TBC1D22A: variants seen among roughly 807,000 people sequenced by gnomAD.
TBC1D22A encodes TBC1 domain family member 22A.
In TBC1D22A, 38 loss-of-function variants were observed where a neutral mutation model predicts 60.2. The ratio of observed to expected loss-of-function variants is 0.63; its 90% CI spans 0.49 to 0.83. TBC1D22A has a LOEUF of 0.83. Among genes scored for constraint, TBC1D22A ranks in the 40% least tolerant of loss-of-function variants. The pLI, the probability that TBC1D22A is intolerant of heterozygous loss-of-function variation, is 0.00. For synonymous variants in TBC1D22A, 302 were observed against 281.7 expected (o/e 1.07, Z -0.72); for missense variants, 628 against 701.0 (o/e 0.90, Z 1.18).
Position 46,793,737 on chromosome 22 carries a change from G to A in TBC1D22A, c.356G>A (p.Gly119Glu). 6.2e-7 allele frequency: 1 copy of A among 1,606,722 alleles called. No homozygotes were observed. The highest frequency in any genetic ancestry group is 8.5e-7 in the Non-Finnish European group (1 of 1,178,012). The change falls in exon 3 of 13, where the codon GGG (glycine) becomes GAG (glutamate). Residue 119 changes from glycine (G) to glutamate (E), a missense_variant. Physicochemically the swap from Gly to Glu is moderately conservative, Grantham distance 98. Transcript: ENST00000337137. ...CGGCCCACGCTGCAGGAGGGGCCAG[G>A]GCTTCAGCAGAAGCCCAGGCCCGAG... Reference protein sequence around the residue: ...QGRPTLQEGPGLQQKPRPEAE... With the variant: ...QGRPTLQEGPELQQKPRPEAE...
At chr22:46,956,906 C>T (rs561712713) in intron 8 of TBC1D22A, among the ~76,000 whole-genome samples, 57 of 152,218 alleles carry the variant, frequency 3.7e-4, no homozygotes, top group South Asian at 1.9e-3. Context: ...AGGCTGGGGC[C>T]AGATCCGGCC....
intron 4 of TBC1D22A, among the ~76,000 whole-genome samples, chr22:46,803,762 G>A (rs1255242070): frequency 2.0e-5 from 3 of 152,202 alleles, no homozygotes; most frequent in Non-Finnish European, 4.4e-5. Context: ...GTCAAGGAAG[G>A]CAGCCCCCTG....
At chr22:47,130,953 C>T (rs575070994) in intron 12 of TBC1D22A, among the ~76,000 whole-genome samples, 30 of 152,350 alleles carry the variant, frequency 2.0e-4, no homozygotes, top group Non-Finnish European at 2.9e-4. Flanking sequence ...GCAGCATCTG[C>T]TCAGCTTCTG....
intron 12 of TBC1D22A, among the ~76,000 whole-genome samples, chr22:47,145,790 G>A (rs1446152267): frequency 1.3e-5 from 2 of 152,124 alleles, no homozygotes; most frequent in African/African-American, 4.8e-5. Context: ...TTTCCACATT[G>A]TGTAACCTTC....
chr22:46,918,690 A>G (rs555690119), intron 8 of TBC1D22A, among the ~76,000 whole-genome samples: 2 of 152,320 alleles, frequency 1.3e-5, no homozygotes, highest in Admixed American at 6.5e-5. Flanking sequence ...CGACCTGCCA[A>G]ATCTGGCTGA....
chr22:46,890,792 G>A (rs1382842277), intron 5 of TBC1D22A, among the ~76,000 whole-genome samples: 3 of 152,174 alleles, frequency 2.0e-5, no homozygotes, highest in Non-Finnish European at 4.4e-5. Context: ...GTGAGAGTAC[G>A]TACACACGTA....
chr22:46,849,212 G>GGCCCT (rs1300160904), intron 4 of TBC1D22A, among the ~76,000 whole-genome samples: 1 of 152,158 alleles, frequency 6.6e-6, no homozygotes, highest in Admixed American at 6.5e-5. Flanking sequence ...CCGTTGACCT[G>GGCCCT]GCCCTGGCTG....
chr22:47,056,440 C>T (rs956801341), intron 11 of TBC1D22A, among the ~76,000 whole-genome samples: 7 of 152,096 alleles, frequency 4.6e-5, no homozygotes, highest in South Asian at 2.1e-4. Flanking sequence ...AATGAGCCTG[C>T]GCATTTTCAG....
chr22:47,113,642 C>T (rs1451444274), intron 12 of TBC1D22A, among the ~76,000 whole-genome samples: 1 of 152,202 alleles, frequency 6.6e-6, no homozygotes, highest in Non-Finnish European at 1.5e-5. Context: ...AAAGGCTGTG[C>T]CTCCATTGAC....
At chr22:47,170,409 C>T (rs1442580917) in intron 12 of TBC1D22A, among the ~76,000 whole-genome samples, 3 of 152,204 alleles carry the variant, frequency 2.0e-5, no homozygotes, top group Non-Finnish European at 4.4e-5. Flanking sequence ...ATTGGATTGG[C>T]ATCCATGTAA....
chr22:46,879,328 GC>G (rs2067734474), intron 5 of TBC1D22A, among the ~76,000 whole-genome samples: 1 of 151,924 alleles, frequency 6.6e-6, no homozygotes. Context: ...CATCAGCAAT[GC>G]CCTCGTACAC....
chr22:46,929,856 A>G (rs890308660), intron 8 of TBC1D22A, among the ~76,000 whole-genome samples: 2 of 152,118 alleles, frequency 1.3e-5, no homozygotes, highest in African/African-American at 4.8e-5. Context: ...CATGTGCCCA[A>G]CGGTCCCCTG....
At chr22:46,864,293 C>CAT (rs1231044736) in intron 4 of TBC1D22A, among the ~76,000 whole-genome samples, 2 of 152,226 alleles carry the variant, frequency 1.3e-5, no homozygotes, top group Non-Finnish European at 1.5e-5. Flanking sequence ...ATCTGTGGCT[C>CAT]TCTCATGGTC....
At chr22:47,112,679 C>T (rs933177799) in intron 12 of TBC1D22A, among the ~76,000 whole-genome samples, 3 of 152,188 alleles carry the variant, frequency 2.0e-5, no homozygotes, top group African/African-American at 4.8e-5. Flanking sequence ...CGGGTGTTCG[C>T]AGGTGGATGG....
intron 11 of TBC1D22A, among the ~76,000 whole-genome samples, chr22:47,079,688 A>T (rs572254995): frequency 1.3e-5 from 2 of 152,368 alleles, no homozygotes; most frequent in South Asian, 4.1e-4. Context: ...AAGATATTTG[A>T]TTGATCCGAA....
chr22:46,879,765 C>G (rs1477462743), intron 5 of TBC1D22A, among the ~76,000 whole-genome samples: 1 of 152,176 alleles, frequency 6.6e-6, no homozygotes, highest in Non-Finnish European at 1.5e-5. Flanking sequence ...GATGAAAACA[C>G]CGAATTGCCG....
chr22:46,834,184 G>T (rs1277310864), intron 4 of TBC1D22A, among the ~76,000 whole-genome samples: 1 of 152,128 alleles, frequency 6.6e-6, no homozygotes, highest in Admixed American at 6.5e-5. Flanking sequence ...AAATAGGGAA[G>T]AGACTCAAGG....
chr22:46,953,146 CTT>C (rs10585981), intron 8 of TBC1D22A, among the ~76,000 whole-genome samples: 28,155 of 152,076 alleles, frequency 0.19, 4,974 homozygotes, highest in African/African-American at 0.47. Context: ...GCATGAGAGA[CTT>C]TTCTGTTTTC....
intron 4 of TBC1D22A, among the ~76,000 whole-genome samples, chr22:46,806,340 G>A (rs1601941782): frequency 2.1e-5 from 2 of 93,770 alleles, no homozygotes; most frequent in African/African-American, 6.8e-5. Context: ...CCTCTGTTCT[G>A]ATTTTTTTTT....
Sources: gnomAD v4.1 joint callset for allele counts (sites outside exome capture counted in the v4.1 genomes callset) on GRCh38, gnomAD v4.1.1 for gene constraint, MANE v1.5 for transcripts, NCBI Gene and HGNC (gene_info 2026-07-23, HGNC 2026-07-21) for gene names.